MYBL1: variants seen among roughly 807,000 people sequenced by gnomAD.
MYBL1 encodes the protein myb-related protein A.
A neutral mutation model predicts 96.3 loss-of-function variants in MYBL1; 17 were observed. The ratio of observed to expected loss-of-function variants is 0.18; its 90% confidence interval spans 0.12 to 0.26. MYBL1 has a LOEUF of 0.26. MYBL1 is among the 10% of genes least tolerant of loss of function. The pLI, the probability that MYBL1 is intolerant of heterozygous loss-of-function variation, is 1.00. For missense variants in MYBL1, 701 were observed against 882.9 expected, an observed-to-expected ratio of 0.79 and a Z score of 2.61; for synonymous variants, 282 against 292.7, an observed-to-expected ratio of 0.96 and a Z score of 0.37.
intron 8 of MYBL1, among the ~76,000 whole-genome samples, chr8:66,582,219 C>T (rs928296036): frequency 5.3e-5 from 8 of 151,668 alleles, no homozygotes; most frequent in South Asian, 2.1e-4. Flanking sequence ...ACAGATTAAG[C>T]TCTACACTTA....
intron 14 of MYBL1, 76 bp from the exon 15 acceptor site, chr8:66,566,319 T>C: frequency 1.2e-6 from 1 of 818,808 alleles, no homozygotes; most frequent in Non-Finnish European, 1.8e-6. Flanking sequence ...GAGTAAGTGG[T>C]AATGGAAGCC....
chr8:66,587,940 G>A (rs867655802), intron 8 of MYBL1, among the ~76,000 whole-genome samples: 2 of 152,100 alleles, frequency 1.3e-5, no homozygotes, highest in South Asian at 2.1e-4. Flanking sequence ...ATGTTCTAGG[G>A]ATTCACTATA....
intron 8 of MYBL1, among the ~76,000 whole-genome samples, chr8:66,583,583 C>G (rs1809299420): frequency 6.7e-6 from 1 of 149,352 alleles, no homozygotes; most frequent in Non-Finnish European, 1.5e-5. Context: ...CCAGACTAAC[C>G]AAGAAAAAAA....
intron 9 of MYBL1, among the ~76,000 whole-genome samples, chr8:66,577,827 T>C (rs1171479917): frequency 6.6e-6 from 1 of 152,148 alleles, no homozygotes; most frequent in Admixed American, 6.5e-5. Flanking sequence ...GATTTCAAAC[T>C]ATACTACAAG....
intron 9 of MYBL1, among the ~76,000 whole-genome samples, chr8:66,579,554 G>A (rs2129817503): frequency 6.6e-6 from 1 of 152,076 alleles, no homozygotes; most frequent in East Asian, 1.9e-4. Flanking sequence ...CTACTCAGAA[G>A]GCTGAGGCAG....
Position 66,599,119 on chromosome 8 carries a change from C to G in MYBL1, c.222G>C (p.Gln74His), listed in dbSNP as rs1809966031. Residue 74 changes from glutamine (Q) to histidine (H), a missense_variant, in exon 4 of 16, where the codon CAG (glutamine) becomes CAC (histidine). By Grantham distance (24) the Gln-to-His change is conservative (BLOSUM62 0). Around this residue, in one of 5 missense-constraint regions of MYBL1, gnomAD observed 68 missense variants for 93.8 expected, o/e 0.72. Coordinates refer to ENST00000522677, the MANE Select transcript of MYBL1 (RefSeq NM_001080416.4). ...HLQNRSDFQC[Q>H]HRWQKVLNPE... ...GATTTAAAACTTTCTGCCATCGATG[C>G]TGGCACTGAAAATCAGAGCGATTCT... 2 of 1,594,164 alleles carry G rather than the reference C, an allele frequency of 1.3e-6. No homozygotes were observed. Among genetic ancestry groups the G allele is most frequent in the Non-Finnish European group, 1.7e-6 (2 of 1,171,856 alleles).
At chr8:66,593,056 T>G in intron 7 of MYBL1, 64 bp downstream of exon 7, 1 of 1,024,706 alleles carries the variant, frequency 9.8e-7, no homozygotes, top group Non-Finnish European at 1.5e-6. Flanking sequence ...AAATAGATAC[T>G]ATTAGGCTTT....
At chr8:66,603,488 C>CT (rs761761993) in intron 1 of MYBL1, among the ~76,000 whole-genome samples, 398 of 144,326 alleles carry the variant, frequency 2.8e-3, no homozygotes, top group Non-Finnish European at 3.7e-3. Context: ...AACATTCTGA[C>CT]TTTTTTTTTT....
intron 3 of MYBL1, among the ~76,000 whole-genome samples, chr8:66,601,008 T>TA (rs1300885917): frequency 1.5e-3 from 220 of 146,040 alleles, no homozygotes; most frequent in East Asian, 8.0e-4. Flanking sequence ...CCGTCTCTAC[T>TA]AAAAAAAAAA....
At chr8:66,603,011 C>G (rs1810167858) in intron 1 of MYBL1, among the ~76,000 whole-genome samples, 1 of 151,890 alleles carries the variant, frequency 6.6e-6, no homozygotes, top group Non-Finnish European at 1.5e-5. Context: ...TCCCAATGTG[C>G]TGGGATTACA....
chr8:66,602,733 A>ATTTTT (rs143426704), intron 1 of MYBL1, among the ~76,000 whole-genome samples: 7 of 28,158 alleles, frequency 2.5e-4, no homozygotes, highest in Admixed American at 1.5e-3. Context: ...ATATATATAT[A>ATTTTT]TTTTTTTTTT....
chr8:66,609,056 C>CA (rs908698993), intron 1 of MYBL1, among the ~76,000 whole-genome samples: 2 of 151,904 alleles, frequency 1.3e-5, no homozygotes, highest in African/African-American at 4.8e-5. Context: ...ATAAAACAGT[C>CA]AAAGGAAGCA....
intron 8 of MYBL1, among the ~76,000 whole-genome samples, chr8:66,586,562 G>A (rs1586576316): frequency 6.6e-6 from 1 of 152,142 alleles, no homozygotes; most frequent in East Asian, 1.9e-4. Context: ...GGAGAAAGGG[G>A]AACTCTACTG....
chr8:66,578,930 G>A (rs1809084356), intron 9 of MYBL1, among the ~76,000 whole-genome samples: 1 of 152,134 alleles, frequency 6.6e-6, no homozygotes, highest in South Asian at 2.1e-4. Flanking sequence ...GTCCTTTGTA[G>A]GGACATGGAT....
At chr8:66,577,634 G>A (rs566747677) in intron 9 of MYBL1, among the ~76,000 whole-genome samples, 14,904 of 150,934 alleles carry the variant, frequency 0.099, 1,360 homozygotes, top group African/African-American at 0.26. Flanking sequence ...AATCAATATC[G>A]TGAAAATGGC....
intron 1 of MYBL1, among the ~76,000 whole-genome samples, chr8:66,611,537 G>C (rs990761885): frequency 1.1e-4 from 16 of 152,078 alleles, no homozygotes; most frequent in African/African-American, 3.9e-4. Context: ...ATCTCTACTG[G>C]GTAGAAGCCA....
intron 7 of MYBL1, 45 bp downstream of exon 7, chr8:66,593,075 T>C (rs1213393359): frequency 2.4e-6 from 3 of 1,252,198 alleles, no homozygotes; most frequent in Admixed American, 2.2e-5. Flanking sequence ...TTTAAAAATG[T>C]GACTGAACAC....
chr8:66,578,018 G>A (rs1018049110), intron 9 of MYBL1, among the ~76,000 whole-genome samples: 5 of 152,102 alleles, frequency 3.3e-5, no homozygotes, highest in African/African-American at 1.2e-4. Flanking sequence ...GGGAAAACTG[G>A]CTAGCCATAT....
intron 5 of MYBL1, among the ~76,000 whole-genome samples, chr8:66,596,031 ACT>A (rs1003642174): frequency 2.0e-4 from 31 of 152,082 alleles, no homozygotes; most frequent in African/African-American, 7.0e-4. Flanking sequence ...TGGAGCTTAC[ACT>A]CTCCTTGGAA....
Sources: gnomAD v4.1 joint callset for allele counts (sites outside exome capture counted in the v4.1 genomes callset) on GRCh38, gnomAD v4.1.1 for gene constraint, gnomAD v4.1.1 regional missense constraint, MANE v1.5 for transcripts, NCBI Gene and HGNC (gene_info 2026-07-23, HGNC 2026-07-21) for gene names.